The following RNF123 variants were observed in gnomAD, a reference collection of about 807,000 sequenced individuals.
RNF123 encodes ring finger protein 123, also known as E3 ubiquitin-protein ligase RNF123.
RNF123 carries 86 observed loss-of-function variants against 168.5 expected under a neutral mutation model. The observed-to-expected ratio is 0.51, with a 90% CI of 0.43 to 0.61. The LOEUF is 0.61. Among genes scored for constraint, RNF123 ranks in the 20% least tolerant of loss-of-function variants. The probability of loss-of-function intolerance (pLI) is 0.00; values close to 1 mark genes in which losing one functional copy is unlikely to be tolerated. For synonymous variants in RNF123, 666 were observed against 689.1 expected, an observed-to-expected ratio of 0.97 and a Z score of 0.52; for missense variants, 1,419 against 1,729.7, an observed-to-expected ratio of 0.82 and a Z score of 3.19.
intron 35 of RNF123, chr3:49,718,981 A>C (rs780970290): frequency 1.9e-6 from 3 of 1,613,718 alleles, no homozygotes; most frequent in Middle Eastern, 1.6e-4. Context: ...GCCCAGGTAG[A>C]GATGGCTGAG....
chr3:49,705,087 C>T lies in RNF123; in HGVS notation c.2063C>T (p.Ala688Val), dbSNP rs781650680. Residue 688 changes from alanine to valine, a missense_variant, in exon 23 of 39, where the codon GCG (alanine) becomes GTG (valine). By Grantham distance (64) the Ala-to-Val change is moderately conservative. Coordinates refer to ENST00000327697, the MANE Select transcript of RNF123 (RefSeq NM_022064.5). Reference sequence around the variant, plus strand: ...CGAGCCAACCGCTTCCTCAGCACAGCGGCTGTGAGCCTCATGACCCCACGG... The same window carrying T: ...CGAGCCAACCGCTTCCTCAGCACAGTGGCTGTGAGCCTCATGACCCCACGG... ...LGRANRFLST[A>V]AVSLMTPRRP... 1.2e-5 allele frequency: 19 copies of T among 1,611,628 alleles called. No homozygotes were observed. The highest frequency in any genetic ancestry group is 6.6e-5 in the South Asian group (6 of 90,620).
chr3:49,713,672 G>T, intron 28 of RNF123, 66 bp from the exon 29 acceptor site: 8 of 1,571,374 alleles, frequency 5.1e-6, no homozygotes, highest in Non-Finnish European at 6.9e-6. Context: ...ATGTGGCCAG[G>T]TGGGCATGAA....
chr3:49,699,616 G>C lies in RNF123; in HGVS notation c.879+34G>C, dbSNP rs1348511618. The C allele has an allele frequency of 1.7e-5, 27 of 1,612,032 alleles. No individual in the cohort carries two copies. The highest frequency in any genetic ancestry group is 2.1e-5 in the Non-Finnish European group (25 of 1,178,660). On this transcript the variant is annotated intron_variant, in intron 11 of 38. Coordinates refer to ENST00000327697, the MANE Select transcript of RNF123 (RefSeq NM_022064.5). This position sits in a 1 kb window ranked among gnomAD's most constrained non-coding sequence, Gnocchi z 4.8. ...GGGTCTGGGCCAGGCGGGGTGGGGG[G>C]CTTCCACAGCCTCCTGCCCCTCACA...
intron 21 of RNF123, 99 bp from the exon 22 acceptor site, chr3:49,704,551 T>C: frequency 4.9e-6 from 5 of 1,017,246 alleles, no homozygotes. Context: ...CTGCAAGGCC[T>C]CCTGCCCAGT....
intron 25 of RNF123, 90 bp downstream of exon 25, chr3:49,706,155 G>C: frequency 8.4e-7 from 1 of 1,189,798 alleles, no homozygotes; most frequent in Non-Finnish European, 1.2e-6. Context: ...TGCCCTGGCA[G>C]TTCTCATCCC....
intron 7 of RNF123, 47 bp from the exon 8 acceptor site, chr3:49,698,393 A>G (rs759035377): frequency 6.5e-7 from 1 of 1,537,452 alleles, no homozygotes; most frequent in South Asian, 1.1e-5. Flanking sequence ...GCTCTGGCCC[A>G]GACCCTGCCT....
In RNF123 at chr3:49,716,208, C is replaced by G. The variant is rs767095285; in HGVS notation, c.3415+31C>G. On this transcript the variant is annotated intron_variant, in intron 34 of 38. Coordinates refer to ENST00000327697, the MANE Select transcript of RNF123 (RefSeq NM_022064.5). ...GACCTAGATGCCCTGCACCCCAACA[C>G]ACTACAGGCCTCGGTTCCTCTGCTA... The G allele has an allele frequency of 3.2e-5, 51 of 1,607,262 alleles. No individual in the cohort carries two copies. The Admixed American group carries it at 4.2e-4, about 13-fold the overall frequency.
In RNF123 at chr3:49,691,149, C is replaced by T; in HGVS notation, c.-17C>T. The T allele has an allele frequency of 6.2e-7, 1 of 1,612,558 alleles. No homozygotes were observed. Among genetic ancestry groups the T allele is most frequent in the Non-Finnish European group, 8.5e-7 (1 of 1,178,790 alleles). Reference sequence around the variant, plus strand: ...GCTCAGCCCCCAGGACCACTGGCTGCCCATGAGAGATGAAGGATGGCATCC... The same window carrying T: ...GCTCAGCCCCCAGGACCACTGGCTGTCCATGAGAGATGAAGGATGGCATCC... On this transcript the variant is annotated 5_prime_UTR_variant, in exon 2 of 39. Coordinates refer to ENST00000327697, the MANE Select transcript of RNF123 (RefSeq NM_022064.5).
intron 35 of RNF123, chr3:49,716,808 T>G (rs2080254782): frequency 3.4e-6 from 1 of 293,374 alleles, no homozygotes; most frequent in Non-Finnish European, 6.5e-6. Flanking sequence ...CCAGGAGAGC[T>G]GAACACACGG....
intron 27 of RNF123, 190 bp downstream of exon 27, chr3:49,712,846 A>G: frequency 1.4e-6 from 1 of 721,920 alleles, no homozygotes; most frequent in Non-Finnish European, 2.5e-6. Context: ...CTGCAGCCAC[A>G]GAGCCAACAG....
In RNF123 at chr3:49,701,404, C is replaced by T. The variant is rs1368722996; in HGVS notation, c.1278-87C>T. 37 of 1,007,396 alleles carry T rather than the reference C, an allele frequency of 3.7e-5. No individual in the cohort carries two copies. In the Admixed American group the frequency reaches 5.2e-4, roughly 14 times the overall value. The allele number at this position is 1,007,396 out of a possible 1,614,324, so 62.4% of individuals were successfully genotyped here. On this transcript the variant is annotated intron_variant, in intron 15 of 38. Coordinates refer to ENST00000327697, the MANE Select transcript of RNF123 (RefSeq NM_022064.5). ...GGTGGTGGGAGAGCTGTGGTAGGCACATCCAGGGATGGGCTCCTGGGGAAG... is the reference window on the plus strand; with the variant it reads ...GGTGGTGGGAGAGCTGTGGTAGGCATATCCAGGGATGGGCTCCTGGGGAAG...
Position 49,701,497 on chromosome 3 carries a change from C to A in RNF123, c.1284C>A (p.Asp428Glu). 1 of 1,613,474 alleles carries A rather than the reference C, an allele frequency of 6.2e-7. No homozygotes were observed. Among genetic ancestry groups the A allele is most frequent in the Non-Finnish European group, 8.5e-7 (1 of 1,179,774 alleles). The change falls in exon 16 of 39, where the codon GAC (aspartate) becomes GAA (glutamate). Residue 428 changes from aspartate to glutamate, a missense_variant. Asp to Glu is a conservative substitution (Grantham distance 45). Transcript: ENST00000327697. ...RKFLLSNVLF[D>E]VLRSVVFFYI... is the part of the protein sequence containing the mutation. ...CTGCCTTGACACCCGCCAGCTTCGA[C>A]GTGCTCCGCTCCGTCGTCTTCTTTT...
rs1214997308 is a variant in RNF123, at chr3:49,699,703, G to A, written c.915G>A (p.Trp305Ter). 1 of 1,613,770 alleles carries A rather than the reference G, an allele frequency of 6.2e-7. No individual in the cohort carries two copies. Among genetic ancestry groups the A allele is most frequent in the African/African-American group, 1.3e-5 (1 of 75,040 alleles). The change falls in exon 12 of 39, where the codon TGG becomes TGA. Residue 305 changes from tryptophan (W) to a stop codon, truncating the protein, a stop_gained. Transcript: ENST00000327697. LOFTEE classifies it high-confidence loss of function. This position sits in a 1 kb window ranked among gnomAD's most constrained non-coding sequence, Gnocchi z 4.8. ...TGTTGGACAAGGAGAGCTCCAAGTG[G>A]CGGTTGCGGGGCCAGCCCACCGTCC... is the stretch of plus-strand genomic sequence containing the variant. ...GRLLDKESSK[W>*]RLRGQPTVLL...
intron 16 of RNF123, 27 bp from the exon 17 acceptor site, chr3:49,701,784 T>C (rs1471732494): frequency 6.4e-7 from 1 of 1,555,554 alleles, no homozygotes; most frequent in Non-Finnish European, 8.7e-7. Context: ...GTGACCCTGC[T>C]GTATTCCACC....
At chr3:49,718,492 C>T (rs1018486205) in intron 35 of RNF123, 3 of 1,613,122 alleles carry the variant, frequency 1.9e-6, no homozygotes, top group East Asian at 2.2e-5. Context: ...GCTGCCATCG[C>T]GGGATCCTGG....
chr3:49,700,047 C>A, intron 12 of RNF123, 180 bp from the exon 13 acceptor site: 1 of 827,104 alleles, frequency 1.2e-6, no homozygotes, highest in Non-Finnish European at 1.9e-6. Context: ...TTAGAGGAGC[C>A]GTGGGGCAAT....
Position 49,697,389 on chromosome 3 carries a change from T to A in RNF123, c.274T>A (p.Ser92Thr). The A allele has an allele frequency of 1.2e-6, 2 of 1,609,646 alleles. No individual in the cohort carries two copies. Among genetic ancestry groups the A allele is most frequent in the Non-Finnish European group, 1.7e-6 (2 of 1,177,326 alleles). ...QGQVEGRLGP[S>T]TVVLDHTGGF... ...ACAGGTTGAAGGGCGGCTTGGCCCA[T>A]CCACTGTGGTCCTGGACCACACAGG... is the stretch of plus-strand genomic sequence containing the variant. The change falls in exon 5 of 39, where the codon TCC becomes ACC. Residue 92 changes from serine to threonine, a missense_variant. This residue lies in a region of RNF123 where 318 missense variants were observed against 446.6 expected (regional missense o/e 0.71). Coordinates refer to ENST00000327697, the MANE Select transcript of RNF123 (RefSeq NM_022064.5).
rs1559671631 is a variant in RNF123 at position 49,697,234 on chromosome 3, C to T, written c.247+12C>T. 1.9e-6 allele frequency: 3 copies of T among 1,612,680 alleles called. No individual in the cohort carries two copies. Among genetic ancestry groups the T allele is most frequent in the South Asian group, 1.1e-5 (1 of 91,024 alleles). Reference sequence around the variant, plus strand: ...GGAGGAAAGCCAGGGTATGTGGCCACCTCTGGAGTGGGGTTGGGAGGTGCA... The same window carrying T: ...GGAGGAAAGCCAGGGTATGTGGCCATCTCTGGAGTGGGGTTGGGAGGTGCA... On this transcript the variant is annotated intron_variant, in intron 4 of 38. Coordinates refer to ENST00000327697, the MANE Select transcript of RNF123 (RefSeq NM_022064.5).
chr3:49,718,486 C>A, intron 35 of RNF123: 1 of 1,613,046 alleles, frequency 6.2e-7, no homozygotes. Flanking sequence ...CGCGATGCTG[C>A]CATCGCGGGA....
Sources: allele counts gnomAD v4.1 joint callset, GRCh38; gene constraint gnomAD v4.1.1; regional missense constraint gnomAD v4.1.1; non-coding constraint Gnocchi (gnomAD v3.1); transcripts MANE v1.5; gene names NCBI Gene and HGNC (gene_info 2026-07-23, HGNC 2026-07-21).